Variants in STC2 observed in about 807,000 individuals in gnomAD.
STC2 encodes stanniocalcin 2.
STC2 carries 7 observed loss-of-function variants against 22.7 expected under a neutral mutation model. The ratio of observed to expected loss-of-function variants is 0.31; its 90% confidence interval spans 0.18 to 0.58. STC2 has a LOEUF of 0.58. Ranked by LOEUF, STC2 falls within the 20% of genes least tolerant of loss-of-function variation. STC2 has a pLI of 0.89. For missense variants in STC2, 336 were observed against 406.2 expected, an observed-to-expected ratio of 0.83 and a Z score of 1.48; for synonymous variants, 158 against 163.4, an observed-to-expected ratio of 0.97 and a Z score of 0.25.
chr5:173,320,320 C>T (rs960092510), intron 3 of STC2, among the ~76,000 whole-genome samples: 3 of 152,224 alleles, frequency 2.0e-5, no homozygotes, highest in African/African-American at 7.2e-5. Context: ...TGGATGAGCC[C>T]ATGCTGTCCT....
In STC2 at chr5:173,328,373, C is replaced by T. The variant is rs1337002700; in HGVS notation, c.-180G>A. ...GGTTACCCAGCGCCCTCCCGTAGCT[C>T]TCCGGAGAGCATGTGACCAGGCCGT... On this transcript the variant is annotated 5_prime_UTR_variant, in exon 1 of 4. Coordinates refer to ENST00000265087, the MANE Select transcript of STC2 (RefSeq NM_003714.3). 1 of 539,486 alleles carries T rather than the reference C, an allele frequency of 1.9e-6. No homozygotes were observed. Among genetic ancestry groups the T allele is most frequent in the Non-Finnish European group, 2.9e-6 (1 of 340,900 alleles). 33.4% of individuals were successfully genotyped at this position (539,486 alleles called of 1,614,324 possible).
chr5:173,324,069 C>G (rs1762517415), intron 2 of STC2: 1 of 152,460 alleles, frequency 6.6e-6, no homozygotes. Flanking sequence ...GGATTATTGC[C>G]TCTAAAAGGC....
At position 173,317,805 on chromosome 5, in the gene STC2, T is replaced by C. The variant is rs758448239; in HGVS notation, c.*42A>G. Reference sequence around the variant, plus strand: ...TTTGGAATGTCCATAGATAAGAAAATGGACGGCGTGGAGGAAAGATTTCGT... The same window carrying C: ...TTTGGAATGTCCATAGATAAGAAAACGGACGGCGTGGAGGAAAGATTTCGT... On this transcript the variant is annotated 3_prime_UTR_variant, in exon 4 of 4. Coordinates refer to ENST00000265087, the MANE Select transcript of STC2 (RefSeq NM_003714.3). 1.3e-6 allele frequency: 2 copies of C among 1,515,066 alleles called. No individual in the cohort carries two copies. The highest frequency in any genetic ancestry group is 1.8e-6 in the Non-Finnish European group (2 of 1,129,546). The allele number at this position is 1,515,066 out of a possible 1,614,324, so 93.9% of individuals were successfully genotyped here. A position where few individuals can be genotyped will look rare whatever the true frequency, so the allele number is the denominator to read the frequency against.
chr5:173,323,380 C>A lies in STC2; in HGVS notation c.345G>T (p.Arg115=), dbSNP rs140114802. The part of the protein sequence containing the change: ...DALKCKAHAL[R]HRFGCISRKC... ...TCCGGCTTATGCAGCCGAACCTGTG[C>A]CGCAGAGCGTGGGCCTTACATTTCA... The change falls in exon 3 of 4, where the codon CGG becomes CGT. Residue 115 remains arginine (R), a synonymous_variant. Coordinates refer to ENST00000265087, the MANE Select transcript of STC2 (RefSeq NM_003714.3). This position sits in a 1 kb window ranked among gnomAD's most constrained non-coding sequence, Gnocchi z 5.4. The A allele has an allele frequency of 6.2e-7, 1 of 1,614,078 alleles. No individual in the cohort carries two copies.
At chr5:173,320,441 G>A (rs1435334828) in intron 3 of STC2, among the ~76,000 whole-genome samples, 1 of 152,220 alleles carries the variant, frequency 6.6e-6, no homozygotes, top group African/African-American at 2.4e-5. Context: ...GGTGCCTTCT[G>A]AGGCTGCAAG....
At chr5:173,327,117 C>T (rs1762557243) in intron 1 of STC2, among the ~76,000 whole-genome samples, 1 of 152,096 alleles carries the variant, frequency 6.6e-6, no homozygotes, top group Admixed American at 6.5e-5. Flanking sequence ...TCCGTAAGAC[C>T]CCACGCGCCG....
In STC2 at chr5:173,328,368, T is replaced by G; in HGVS notation, c.-175A>C. The G allele has an allele frequency of 8.8e-6, 5 of 570,438 alleles. No homozygotes were observed. The highest frequency in any genetic ancestry group is 3.5e-5 in the East Asian group (1 of 28,964). The allele number at this position is 570,438 out of a possible 1,614,324, so 35.3% of individuals were successfully genotyped here. A position where few individuals can be genotyped will look rare whatever the true frequency, so the allele number is the denominator to read the frequency against. On this transcript the variant is annotated 5_prime_UTR_variant, in exon 1 of 4. Transcript: ENST00000265087. The stretch of plus-strand genomic sequence containing the variant: ...ATAGAGGTTACCCAGCGCCCTCCCG[T>G]AGCTCTCCGGAGAGCATGTGACCAG...
In STC2 at chr5:173,326,023, T is replaced by A. The variant is rs1425715259; in HGVS notation, c.152-13A>T. On this transcript the variant is annotated splice_polypyrimidine_tract_variant and intron_variant, in intron 1 of 3. Coordinates refer to ENST00000265087, the MANE Select transcript of STC2 (RefSeq NM_003714.3). The stretch of plus-strand genomic sequence containing the variant: ...TGCTGGATCTCCGCTAAAAGGAAAA[T>A]CACATACAAATATATACAAAACTCT... 1 of 1,613,576 alleles carries A rather than the reference T, an allele frequency of 6.2e-7. No individual in the cohort carries two copies. The highest frequency in any genetic ancestry group is 2.2e-5 in the East Asian group (1 of 44,870).
chr5:173,318,288 G>A lies in STC2; in HGVS notation c.507-39C>T, dbSNP rs1284591685. On this transcript the variant is annotated intron_variant, in intron 3 of 3. Transcript: ENST00000265087. ...GCAAAGAGAGAGAGAGAGAGAGAGA[G>A]AGAGAGAGAGAGGCTGGGAATGGAG... is the stretch of plus-strand genomic sequence containing the variant. The A allele has an allele frequency of 3.6e-6, 5 of 1,378,296 alleles. No individual in the cohort carries two copies. In the African/African-American group the frequency reaches 4.4e-5, roughly 12 times the overall value. The allele number at this position is 1,378,296 out of a possible 1,614,324, so 85.4% of individuals were successfully genotyped here.
intron 3 of STC2, among the ~76,000 whole-genome samples, chr5:173,318,827 A>T (rs1035953561): frequency 1.3e-5 from 2 of 152,102 alleles, no homozygotes; most frequent in African/African-American, 2.4e-5. Flanking sequence ...TCTGATGAAG[A>T]AGGGTGTTTT....
rs953033023 is a variant in STC2 at position 173,323,526 on chromosome 5, G to T, written c.295-96C>A. The T allele has an allele frequency of 3.3e-6, 4 of 1,224,952 alleles. No individual in the cohort carries two copies. Among genetic ancestry groups the T allele is most frequent in the Non-Finnish European group, 4.6e-6 (4 of 870,194 alleles). 75.9% of individuals were successfully genotyped at this position (1,224,952 alleles called of 1,614,324 possible). On this transcript the variant is annotated intron_variant, in intron 2 of 3. Coordinates refer to ENST00000265087, the MANE Select transcript of STC2 (RefSeq NM_003714.3). The surrounding 1 kb of genome is among the most constrained non-coding windows in gnomAD (Gnocchi z 5.4). ...TTCAGCCCTTCTTGGGCTTACACAGGATATTTCTGACATCAGAACCCCAAG... is the reference window on the plus strand; with the variant it reads ...TTCAGCCCTTCTTGGGCTTACACAGTATATTTCTGACATCAGAACCCCAAG...
At chr5:173,321,307 A>C (rs1762483247) in intron 3 of STC2, among the ~76,000 whole-genome samples, 1 of 152,188 alleles carries the variant, frequency 6.6e-6, no homozygotes, top group African/African-American at 2.4e-5. Flanking sequence ...CCTGTGCTCC[A>C]GGCATGCATT....
Position 173,325,799 on chromosome 5 carries a change from C to A in STC2, c.294+69G>T. The A allele has an allele frequency of 6.2e-7, 1 of 1,602,016 alleles. No individual in the cohort carries two copies. The highest frequency in any genetic ancestry group is 1.1e-5 in the South Asian group (1 of 90,148). ...CAGCAAAGGAAGTTGGTTAACAAGGCTTTCCAATGAACGTTTCAATCATGT... is the reference window on the plus strand; with the variant it reads ...CAGCAAAGGAAGTTGGTTAACAAGGATTTCCAATGAACGTTTCAATCATGT... On this transcript the variant is annotated intron_variant, in intron 2 of 3. Coordinates refer to ENST00000265087, the MANE Select transcript of STC2 (RefSeq NM_003714.3). The surrounding 1 kb of genome is among the most constrained non-coding windows in gnomAD (Gnocchi z 4.7).
Position 173,323,695 on chromosome 5 carries a change from T to C in STC2, c.295-265A>G, listed in dbSNP as rs766343154. ...CACATCTCCCTCCTTCCTCCCTGGC[T>C]ACTCTGTGAGTTTCCCTCCAACGGG... On this transcript the variant is annotated intron_variant, in intron 2 of 3. Transcript: ENST00000265087. The surrounding 1 kb of genome is among the most constrained non-coding windows in gnomAD (Gnocchi z 5.4). Among the ~76,000 whole-genome samples the C allele has an allele frequency of 8.0e-4, 122 of 152,224 alleles. No homozygotes were observed. Among genetic ancestry groups the C allele is most frequent in the Non-Finnish European group, 1.6e-3 (107 of 68,044 alleles).
chr5:173,317,862 A>C lies in STC2; in HGVS notation c.894T>G (p.Ser298=). 6.4e-7 allele frequency: 1 copy of C among 1,569,964 alleles called. No individual in the cohort carries two copies. The highest frequency in any genetic ancestry group is 1.1e-5 in the South Asian group (1 of 87,160). ...GCCTTTCATTTCACCTCCGGATATC[A>C]GAATACTCAGACTGTTCGTCTTCCC... ...SEWEDEQSEY[S]DIRR is the part of the protein sequence containing the mutation. The change falls in exon 4 of 4, where the codon TCT becomes TCG. Residue 298 remains serine, a synonymous_variant. Coordinates refer to ENST00000265087, the MANE Select transcript of STC2 (RefSeq NM_003714.3).
In STC2 at chr5:173,326,030, C is replaced by T; in HGVS notation, c.152-20G>A. ...TCTCCGCTAAAAGGAAAATCACATA[C>T]AAATATATACAAAACTCTAACCCAT... is the stretch of plus-strand genomic sequence containing the variant. On this transcript the variant is annotated intron_variant, in intron 1 of 3. Transcript: ENST00000265087. 2 of 1,612,906 alleles carry T rather than the reference C, an allele frequency of 1.2e-6. No homozygotes were observed. The highest frequency in any genetic ancestry group is 1.7e-6 in the Non-Finnish European group (2 of 1,179,026).
intron 2 of STC2, chr5:173,324,142 C>G (rs1737254652): frequency 6.5e-6 from 1 of 152,814 alleles, no homozygotes; most frequent in East Asian, 1.9e-4. Context: ...GCCCCTCCCC[C>G]ACGCTCCCTG....
rs923228257 is a variant in STC2, at chr5:173,316,143, T to G, written c.*1704A>C. On this transcript the variant is annotated 3_prime_UTR_variant, in exon 4 of 4. Transcript: ENST00000265087. The stretch of plus-strand genomic sequence containing the variant: ...TTTGACCCACTCACTAGAACAGAGA[T>G]CAGTAAACTGTGTCCTGTGAGTGAA... The G allele has an allele frequency of 2.0e-5, 3 of 152,154 alleles. No individual in the cohort carries two copies. The highest frequency in any genetic ancestry group is 4.4e-5 in the Non-Finnish European group (3 of 68,044). The allele number at this position is 152,154 out of a possible 1,614,324, so 9.4% of individuals were successfully genotyped here.
In STC2 at chr5:173,328,116, G is replaced by A. The variant is rs1486449854; in HGVS notation, c.78C>T (p.Asp26=). 6 of 1,601,706 alleles carry A rather than the reference G, an allele frequency of 3.7e-6. No individual in the cohort carries two copies. Among genetic ancestry groups the A allele is most frequent in the Non-Finnish European group, 4.3e-6 (5 of 1,174,248 alleles). ...LATFDPARGT[D]ATNPPEGPQD... Reference sequence around the variant, plus strand: ...GGGGACCCTCGGGTGGGTTGGTGGCGTCGGTCCCCCGCGCCGGGTCAAAGG... The same window carrying A: ...GGGGACCCTCGGGTGGGTTGGTGGCATCGGTCCCCCGCGCCGGGTCAAAGG... The change falls in exon 1 of 4, where the codon GAC becomes GAT. Residue 26 remains aspartate (D), a synonymous_variant. Transcript: ENST00000265087.
Sources: allele counts gnomAD v4.1 joint callset (sites outside exome capture counted in the v4.1 genomes callset), GRCh38; gene constraint gnomAD v4.1.1; non-coding constraint Gnocchi (gnomAD v3.1); transcripts MANE v1.5; gene names NCBI Gene and HGNC (gene_info 2026-07-23, HGNC 2026-07-21).